Variants in ANLN observed in about 807,000 individuals in gnomAD.
ANLN encodes anillin, actin binding protein, also known as anillin.
Under a neutral mutation model 135.1 loss-of-function variants are expected in ANLN, and 59 were observed. The observed-to-expected ratio is 0.44, with a 90% CI of 0.35 to 0.54. The LOEUF (loss-of-function observed/expected upper bound fraction) is 0.54. Ranked by LOEUF, ANLN falls within the 20% of genes least tolerant of loss-of-function variation. ANLN has a pLI of 0.00. For synonymous variants in ANLN, 406 were observed against 456.4 expected, an observed-to-expected ratio of 0.89 and a Z score of 1.41; for missense variants, 1,182 against 1,340.0, an observed-to-expected ratio of 0.88 and a Z score of 1.84.
intron 22 of ANLN, among the ~76,000 whole-genome samples, chr7:36,445,662 TG>T (rs1463446399): frequency 2.6e-5 from 4 of 152,272 alleles, no homozygotes; most frequent in Non-Finnish European, 5.9e-5. Context: ...TGTTTTGGTT[TG>T]TACCTTTTAC....
rs1031677096 is a variant in ANLN, at chr7:36,389,873, T to C, written c.-154T>C. 9 of 1,380,354 alleles carry C rather than the reference T, an allele frequency of 6.5e-6. No individual in the cohort carries two copies. The highest frequency in any genetic ancestry group is 6.0e-5 in the South Asian group (5 of 83,576). The allele number at this position is 1,380,354 out of a possible 1,614,324, so 85.5% of individuals were successfully genotyped here. A position where few individuals can be genotyped will look rare whatever the true frequency, so the allele number is the denominator to read the frequency against. On this transcript the variant is annotated 5_prime_UTR_variant, in exon 1 of 24. Transcript: ENST00000265748. ...CGGCTGCAGAGGCCGAGTCCGTCAC[T>C]GGAAGCCGAGAGGAGAGGACAGCTG... is the stretch of plus-strand genomic sequence containing the variant.
rs1008749217 is a variant in ANLN at position 36,453,674 on chromosome 7, C to G, written c.*1074C>G. 6.6e-6 allele frequency: 1 copy of G among 152,512 alleles called. No homozygotes were observed. Among genetic ancestry groups the G allele is most frequent in the African/African-American group, 2.4e-5 (1 of 41,436 alleles). The allele number at this position is 152,512 out of a possible 1,614,324, so 9.4% of individuals were successfully genotyped here. ...TGACCTCATTTATAAACACTAAATT[C>G]TGTCACCTCCTGTCATTTTATTTTT... On this transcript the variant is annotated 3_prime_UTR_variant, in exon 24 of 24. Coordinates refer to ENST00000265748, the MANE Select transcript of ANLN (RefSeq NM_018685.5).
intron 21 of ANLN, among the ~76,000 whole-genome samples, chr7:36,439,576 T>C (rs1022059184): frequency 2.0e-5 from 3 of 152,210 alleles, no homozygotes; most frequent in African/African-American, 7.2e-5. Context: ...TCGGTGTCAA[T>C]TGGTGGGACA....
intron 21 of ANLN, among the ~76,000 whole-genome samples, chr7:36,442,525 G>A (rs1236842402): frequency 3.3e-5 from 5 of 152,194 alleles, no homozygotes; most frequent in Non-Finnish European, 7.3e-5. Context: ...GGCCCTTATA[G>A]AAAAGGTTTC....
chr7:36,448,341 G>T (rs1303490376), intron 22 of ANLN, among the ~76,000 whole-genome samples: 1 of 152,174 alleles, frequency 6.6e-6, no homozygotes, highest in Non-Finnish European at 1.5e-5. Flanking sequence ...AGTTGAAAAT[G>T]TTCAAATGTA....
At chr7:36,403,795 G>A (rs904095468) in intron 3 of ANLN, among the ~76,000 whole-genome samples, 17 of 152,094 alleles carry the variant, frequency 1.1e-4, no homozygotes, top group African/African-American at 4.1e-4. Context: ...GGGACTATAG[G>A]CGCATCACCA....
chr7:36,429,768 A>G (rs1266218339), intron 20 of ANLN, among the ~76,000 whole-genome samples: 1 of 152,210 alleles, frequency 6.6e-6, no homozygotes, highest in African/African-American at 2.4e-5. Context: ...TTTCAATGAC[A>G]TATCTTAAAT....
At chr7:36,422,330 T>C (rs2116671107) in intron 13 of ANLN, among the ~76,000 whole-genome samples, 2 of 152,150 alleles carry the variant, frequency 1.3e-5, no homozygotes, top group Middle Eastern at 6.8e-3. Flanking sequence ...TATCAATAAA[T>C]AGCTAAAACA....
At position 36,396,390 on chromosome 7, in the gene ANLN, G is replaced by A. The variant is rs138687537; in HGVS notation, c.143G>A (p.Ser48Asn). Residue 48 changes from serine to asparagine, a missense_variant, in exon 2 of 24, where the codon AGT becomes AAT. This residue lies in a region of ANLN where 1,022 missense variants were observed against 1,134.0 expected (regional missense o/e 0.90). Transcript: ENST00000265748. ...KRARQPLSEA[S>N]NQQPLSGGEE... is the part of the protein sequence containing the mutation. ...GCTAGACAGCCACTTTCAGAAGCAA[G>A]TAACCAGCAGCCCCTCTCTGGTGGT... 2.3e-4 allele frequency: 362 copies of A among 1,595,812 alleles called. No individual in the cohort carries two copies. In the African/African-American group the frequency reaches 4.6e-3, roughly 20 times the overall value.
intron 19 of ANLN, among the ~76,000 whole-genome samples, chr7:36,426,700 A>G (rs1432076713): frequency 6.6e-6 from 1 of 152,142 alleles, no homozygotes; most frequent in African/African-American, 2.4e-5. Context: ...TATATCTTTA[A>G]AAACACATCC....
intron 20 of ANLN, among the ~76,000 whole-genome samples, chr7:36,433,620 C>T (rs1309187769): frequency 6.6e-6 from 1 of 152,170 alleles, no homozygotes; most frequent in Non-Finnish European, 1.5e-5. Flanking sequence ...AAAGTTATTT[C>T]TTCTGCCCTG....
At position 36,399,228 on chromosome 7, in the gene ANLN, C is replaced by A. The variant is rs762023317; in HGVS notation, c.322C>A (p.Gln108Lys). ...TCCTGTGTCTCCTCAGGTGCAGCCA[C>A]AAGCAGCAGATACCATCAGTGATTC... ...PSPVSPQVQP[Q>K]AADTISDSVA... Residue 108 changes from glutamine to lysine, a missense_variant, in exon 3 of 24, where the codon CAA becomes AAA. By Grantham distance (53) the Gln-to-Lys change is moderately conservative. Coordinates refer to ENST00000265748, the MANE Select transcript of ANLN (RefSeq NM_018685.5). 29 of 1,614,152 alleles carry A rather than the reference C, an allele frequency of 1.8e-5. No individual in the cohort carries two copies. The highest frequency in any genetic ancestry group is 2.4e-5 in the Non-Finnish European group (28 of 1,180,024).
intron 20 of ANLN, among the ~76,000 whole-genome samples, chr7:36,437,574 T>C (rs925635219): frequency 6.6e-6 from 1 of 152,042 alleles, no homozygotes; most frequent in Admixed American, 6.6e-5. Context: ...GGTTATATGG[T>C]AGTTTTATTT....
intron 20 of ANLN, among the ~76,000 whole-genome samples, chr7:36,437,304 T>C (rs1788584922): frequency 6.6e-6 from 1 of 152,066 alleles, no homozygotes; most frequent in Admixed American, 6.5e-5. Context: ...TTTCTCTGAC[T>C]AGCTTATTTC....
intron 21 of ANLN, among the ~76,000 whole-genome samples, chr7:36,440,798 T>G (rs1788739839): frequency 6.6e-6 from 1 of 152,184 alleles, no homozygotes; most frequent in Admixed American, 6.5e-5. Flanking sequence ...GAGGAAAGTA[T>G]GTGTGTAGAA....
chr7:36,389,973 C>T lies in ANLN; in HGVS notation c.-54C>T. ...ACACTGAGCTGAGACTCACTTTTCTCTTCCTGAATTTGAACCACCGTTTCC... is the reference window on the plus strand; with the variant it reads ...ACACTGAGCTGAGACTCACTTTTCTTTTCCTGAATTTGAACCACCGTTTCC... On this transcript the variant is annotated 5_prime_UTR_variant, in exon 1 of 24. Coordinates refer to ENST00000265748, the MANE Select transcript of ANLN (RefSeq NM_018685.5). 1 of 1,614,072 alleles carries T rather than the reference C, an allele frequency of 6.2e-7. No individual in the cohort carries two copies.
intron 18 of ANLN, 32 bp from the exon 19 acceptor site, chr7:36,425,983 T>TG: frequency 2.0e-6 from 3 of 1,481,458 alleles, no homozygotes; most frequent in Non-Finnish European, 2.7e-6. Context: ...ATAACTTATG[T>TG]TTCTTCTTCA....
At chr7:36,415,937 T>C (rs371477701) in intron 8 of ANLN, 53 bp downstream of exon 8, 2 of 1,415,378 alleles carry the variant, frequency 1.4e-6, no homozygotes, top group African/African-American at 1.4e-5. Context: ...AAATGATGTT[T>C]GTGTGTTGAT....
chr7:36,451,922 A>G lies in ANLN; in HGVS notation c.3252-555A>G, dbSNP rs529155375. ...TATTCCTAATATGGACAGAGAGGTT[A>G]GGATAGACAAAGTCTTAGGATCTTT... On this transcript the variant is annotated intron_variant, in intron 23 of 23. Transcript: ENST00000265748. Among the ~76,000 whole-genome samples, 8 of 152,342 alleles carry G rather than the reference A, an allele frequency of 5.3e-5. No homozygotes were observed. In the South Asian group the frequency reaches 8.3e-4, roughly 16 times the overall value.
Sources: allele counts gnomAD v4.1 joint callset (sites outside exome capture counted in the v4.1 genomes callset), GRCh38; gene constraint gnomAD v4.1.1; regional missense constraint gnomAD v4.1.1; transcripts MANE v1.5; gene names NCBI Gene and HGNC (gene_info 2026-07-23, HGNC 2026-07-21).